Variants in ZDHHC14 observed in about 807,000 individuals in gnomAD.
ZDHHC14 encodes the protein palmitoyltransferase ZDHHC14.
In ZDHHC14, 16 loss-of-function variants were observed where a neutral mutation model predicts 47.7. The observed-to-expected ratio is 0.34, with a 90% CI of 0.23 to 0.51. The LOEUF is 0.51. Ranked by LOEUF, ZDHHC14 falls within the 20% of genes least tolerant of loss-of-function variation. ZDHHC14 has a pLI of 0.97. For missense variants in ZDHHC14, 515 were observed against 662.5 expected (o/e 0.78, Z 2.44); for synonymous variants, 293 against 278.9 (o/e 1.05, Z -0.50).
rs1779141242 is a variant in ZDHHC14, at chr6:157,463,439, A to T, written c.246-79146A>T. Among the ~76,000 whole-genome samples, 1 of 152,028 alleles carries T rather than the reference A, an allele frequency of 6.6e-6. No individual in the cohort carries two copies. The highest frequency in any genetic ancestry group is 1.5e-5 in the Non-Finnish European group (1 of 68,010). On this transcript the variant is annotated intron_variant, in intron 1 of 8. Transcript: ENST00000359775. This position sits in a 1 kb window ranked among gnomAD's most constrained non-coding sequence, Gnocchi z 4.4. Reference sequence around the variant, plus strand: ...CCAGAGGTCTTAAAAGCACCCCAAAATGTGTAGCCCTGCCCCTATACATTT... The same window carrying T: ...CCAGAGGTCTTAAAAGCACCCCAAATTGTGTAGCCCTGCCCCTATACATTT...
intron 1 of ZDHHC14, among the ~76,000 whole-genome samples, chr6:157,477,965 T>C (rs1779532339): frequency 6.6e-6 from 1 of 152,204 alleles, no homozygotes; most frequent in Non-Finnish European, 1.5e-5. Flanking sequence ...AACAATTTTA[T>C]GTTATGTTTT....
At chr6:157,551,000 AG>A (rs1405914380) in intron 2 of ZDHHC14, among the ~76,000 whole-genome samples, 2 of 152,182 alleles carry the variant, frequency 1.3e-5, no homozygotes, top group Admixed American at 6.5e-5. Context: ...AGGAACACAG[AG>A]GTTGTGGTGT....
chr6:157,600,563 G>A (rs921289690), intron 3 of ZDHHC14, among the ~76,000 whole-genome samples: 11 of 152,104 alleles, frequency 7.2e-5, no homozygotes, highest in African/African-American at 7.2e-5. Flanking sequence ...GCACCACCAC[G>A]CCTGGCTAAT....
intron 2 of ZDHHC14, among the ~76,000 whole-genome samples, chr6:157,572,246 C>T (rs1228062341): frequency 6.6e-6 from 1 of 152,080 alleles, no homozygotes; most frequent in East Asian, 1.9e-4. Context: ...CACTAGGTCC[C>T]ACTTGTGACA....
chr6:157,560,863 C>A (rs1490901656), intron 2 of ZDHHC14, among the ~76,000 whole-genome samples: 1 of 152,138 alleles, frequency 6.6e-6, no homozygotes, highest in Non-Finnish European at 1.5e-5. Flanking sequence ...GATGCATTAA[C>A]CTGAAGAAGC....
chr6:157,444,272 C>T (rs1778616391), intron 1 of ZDHHC14, among the ~76,000 whole-genome samples: 1 of 152,232 alleles, frequency 6.6e-6, no homozygotes, highest in Non-Finnish European at 1.5e-5. Flanking sequence ...GTACACATTG[C>T]AGTCTCTGCC....
chr6:157,481,543 A>C (rs985758716), intron 1 of ZDHHC14, among the ~76,000 whole-genome samples: 2 of 152,114 alleles, frequency 1.3e-5, no homozygotes, highest in Non-Finnish European at 2.9e-5. Flanking sequence ...GCAGCCCTGG[A>C]CCCTTCCCAC....
chr6:157,571,226 T>G (rs1783086106), intron 2 of ZDHHC14, among the ~76,000 whole-genome samples: 1 of 152,182 alleles, frequency 6.6e-6, no homozygotes, highest in Admixed American at 6.5e-5. Flanking sequence ...CACGAGAGCA[T>G]TCCTTGAATG....
intron 2 of ZDHHC14, among the ~76,000 whole-genome samples, chr6:157,583,730 C>T (rs62423206): frequency 0.15 from 22,926 of 152,030 alleles, 1,900 homozygotes; most frequent in Middle Eastern, 0.25. Flanking sequence ...CTGCAGATCT[C>T]GGCTTGGCAC....
intron 1 of ZDHHC14, among the ~76,000 whole-genome samples, chr6:157,407,929 C>T (rs545991172): frequency 1.6e-4 from 24 of 152,244 alleles, no homozygotes; most frequent in African/African-American, 5.1e-4. Context: ...TTTTAAAATG[C>T]GAGTCCTCTA....
intron 4 of ZDHHC14, chr6:157,632,478 A>G (rs1373030295): frequency 1.3e-5 from 3 of 222,276 alleles, no homozygotes; most frequent in Middle Eastern, 1.7e-3. Flanking sequence ...AAAAGTTAAC[A>G]AATTTGGGGA....
intron 1 of ZDHHC14, among the ~76,000 whole-genome samples, chr6:157,451,882 G>T (rs1778811851): frequency 6.6e-6 from 1 of 152,172 alleles, no homozygotes. Context: ...ATAATGGAAG[G>T]TGGCATATAT....
intron 5 of ZDHHC14, among the ~76,000 whole-genome samples, chr6:157,635,923 T>C (rs1776949573): frequency 6.6e-6 from 1 of 152,204 alleles, no homozygotes; most frequent in Non-Finnish European, 1.5e-5. Context: ...TGAAAACGCA[T>C]AGAAGTCTCA....
chr6:157,651,852 G>A (rs890871047), intron 7 of ZDHHC14, among the ~76,000 whole-genome samples: 2 of 152,250 alleles, frequency 1.3e-5, no homozygotes, highest in South Asian at 2.1e-4. Context: ...GATTACAGGC[G>A]TGAGCCACTG....
intron 1 of ZDHHC14, among the ~76,000 whole-genome samples, chr6:157,517,170 CT>C (rs1324221128): frequency 3.3e-5 from 5 of 152,068 alleles, no homozygotes; most frequent in Admixed American, 2.0e-4. Context: ...CCTTCACTGA[CT>C]CCCCCTCCTC....
intron 1 of ZDHHC14, among the ~76,000 whole-genome samples, chr6:157,426,517 C>CTA (rs922561386): frequency 3.3e-5 from 5 of 152,118 alleles, no homozygotes; most frequent in Non-Finnish European, 7.4e-5. Flanking sequence ...TTTGAGGGGC[C>CTA]TACGGGGCAC....
intron 3 of ZDHHC14, among the ~76,000 whole-genome samples, chr6:157,613,239 C>T (rs1475540029): frequency 6.6e-6 from 1 of 152,212 alleles, no homozygotes; most frequent in Non-Finnish European, 1.5e-5. Context: ...TTTACAGCAA[C>T]TCACAGTAGG....
chr6:157,397,884 T>G (rs920205980), intron 1 of ZDHHC14, among the ~76,000 whole-genome samples: 2 of 152,062 alleles, frequency 1.3e-5, no homozygotes, highest in African/African-American at 4.8e-5. Flanking sequence ...TTAATGACAC[T>G]TGCCTCTTGC....
At chr6:157,605,881 A>G (rs747124213) in intron 3 of ZDHHC14, among the ~76,000 whole-genome samples, 8 of 152,182 alleles carry the variant, frequency 5.3e-5, no homozygotes, top group Non-Finnish European at 1.0e-4. Flanking sequence ...AAGGCTTTTG[A>G]AGACTCCAGG....
Sources: gnomAD v4.1 joint callset for allele counts (sites outside exome capture counted in the v4.1 genomes callset) on GRCh38, gnomAD v4.1.1 for gene constraint, Gnocchi (gnomAD v3.1) non-coding constraint, MANE v1.5 for transcripts, NCBI Gene and HGNC (gene_info 2026-07-23, HGNC 2026-07-21) for gene names.